Variants in THSD7A observed in about 807,000 individuals in gnomAD.
THSD7A encodes thrombospondin type-1 domain-containing protein 7A.
A neutral mutation model predicts 231.3 loss-of-function variants in THSD7A; 96 were observed. The observed-to-expected ratio is 0.41, with a 90% CI of 0.35 to 0.49. The LOEUF (loss-of-function observed/expected upper bound fraction) is 0.49, where lower values mean the gene tolerates loss of function less well. Among genes scored for constraint, THSD7A ranks in the 20% least tolerant of loss-of-function variants. The pLI, the probability that THSD7A is intolerant of heterozygous loss-of-function variation, is 0.05. For missense variants in THSD7A, 2,290 were observed against 2,070.2 expected (o/e 1.11, Z -2.06); for synonymous variants, 940 against 743.3 (o/e 1.26, Z -4.30).
chr7:11,594,195 A>C (rs2128342212), intron 2 of THSD7A, among the ~76,000 whole-genome samples: 1 of 152,262 alleles, frequency 6.6e-6, no homozygotes, highest in African/African-American at 2.4e-5. Context: ...TCAGTTGTGG[A>C]ACTCATACTG....
chr7:11,618,213 G>T (rs1430474123), intron 2 of THSD7A, among the ~76,000 whole-genome samples: 1 of 152,128 alleles, frequency 6.6e-6, no homozygotes, highest in Non-Finnish European at 1.5e-5. Context: ...AATTTAAGAA[G>T]AATGGATTAG....
intron 6 of THSD7A, among the ~76,000 whole-genome samples, chr7:11,535,210 C>G (rs1788864155): frequency 6.6e-6 from 1 of 152,158 alleles, no homozygotes; most frequent in African/African-American, 2.4e-5. Context: ...GAAAATCCTA[C>G]TCTTTGCTAC....
chr7:11,747,955 C>T (rs915073883), intron 1 of THSD7A, among the ~76,000 whole-genome samples: 1 of 151,892 alleles, frequency 6.6e-6, no homozygotes, highest in Non-Finnish European at 1.5e-5. Context: ...AATGTGTATG[C>T]AGGTTGCTGA....
intron 19 of THSD7A, among the ~76,000 whole-genome samples, chr7:11,407,788 A>G (rs1583684469): frequency 6.6e-6 from 1 of 152,194 alleles, no homozygotes; most frequent in African/African-American, 2.4e-5. Flanking sequence ...AGTATCATCA[A>G]TATTTTGATC....
At chr7:11,442,770 T>C (rs746994870) in intron 13 of THSD7A, among the ~76,000 whole-genome samples, 4 of 152,020 alleles carry the variant, frequency 2.6e-5, no homozygotes, top group Non-Finnish European at 5.9e-5. Flanking sequence ...CAATTGGACA[T>C]TCCGTCAGAT....
chr7:11,620,030 G>T (rs1781252589), intron 2 of THSD7A, among the ~76,000 whole-genome samples: 1 of 152,066 alleles, frequency 6.6e-6, no homozygotes, highest in Admixed American at 6.6e-5. Context: ...AGAATAAGTT[G>T]GCAATGATAA....
chr7:11,578,164 G>C (rs10233233), intron 4 of THSD7A, among the ~76,000 whole-genome samples: 1 of 152,086 alleles, frequency 6.6e-6, no homozygotes, highest in Non-Finnish European at 1.5e-5. Context: ...GATTTGGAGC[G>C]AAACTGTTAT....
intron 1 of THSD7A, among the ~76,000 whole-genome samples, chr7:11,654,968 G>A (rs148410719): frequency 4.6e-5 from 7 of 151,974 alleles, no homozygotes; most frequent in Admixed American, 2.6e-4. Flanking sequence ...ATTTAAACCT[G>A]AAGGATGTCT....
At chr7:11,478,907 G>A (rs572657000) in intron 7 of THSD7A, among the ~76,000 whole-genome samples, 53 of 152,204 alleles carry the variant, frequency 3.5e-4, no homozygotes, top group African/African-American at 1.2e-3. Context: ...TCGCCTTGAA[G>A]TTAGGCATAG....
At chr7:11,544,023 G>A (rs752914375) in intron 4 of THSD7A, among the ~76,000 whole-genome samples, 21 of 151,950 alleles carry the variant, frequency 1.4e-4, no homozygotes, top group Non-Finnish European at 2.5e-4. Context: ...ATCTCCTGAT[G>A]CCATATTTGC....
chr7:11,717,540 C>T, intron 1 of THSD7A, among the ~76,000 whole-genome samples: 1 of 151,498 alleles, frequency 6.6e-6, no homozygotes, highest in Non-Finnish European at 1.5e-5. Context: ...TTTTCTTTTT[C>T]TTTATTGGAA....
chr7:11,669,348 A>G (rs1783281363), intron 1 of THSD7A, among the ~76,000 whole-genome samples: 3 of 152,008 alleles, frequency 2.0e-5, no homozygotes. Context: ...TTAATTTAAT[A>G]TATATATTTT....
At chr7:11,591,962 T>G (rs1780182535) in intron 3 of THSD7A, among the ~76,000 whole-genome samples, 1 of 152,198 alleles carries the variant, frequency 6.6e-6, no homozygotes, top group Non-Finnish European at 1.5e-5. Flanking sequence ...AAAAAGGGCA[T>G]GGAGAAAGAT....
intron 6 of THSD7A, among the ~76,000 whole-genome samples, chr7:11,532,841 A>C (rs370085821): frequency 2.0e-4 from 30 of 152,344 alleles, no homozygotes; most frequent in African/African-American, 7.2e-4. Context: ...AGCTGTTATA[A>C]AATGAAAAAA....
rs537199924 is a variant in THSD7A at position 11,372,916 on chromosome 7, T to G, written c.*2878A>C. ...ATAATAACCTTCCCTTTGTCCAAAA[T>G]AGCCAGATTGCTACGTTCTCCTCTT... On this transcript the variant is annotated 3_prime_UTR_variant, in exon 28 of 28. Coordinates refer to ENST00000423059, the MANE Select transcript of THSD7A (RefSeq NM_015204.3). 6.6e-6 allele frequency: 1 copy of G among 152,072 alleles called. No individual in the cohort carries two copies. Among genetic ancestry groups the G allele is most frequent in the East Asian group, 1.9e-4 (1 of 5,188 alleles). 9.4% of individuals were successfully genotyped at this position (152,072 alleles called of 1,614,324 possible). A position where few individuals can be genotyped will look rare whatever the true frequency, so the allele number is the denominator to read the frequency against.
intron 2 of THSD7A, among the ~76,000 whole-genome samples, chr7:11,615,424 C>T (rs1223273801): frequency 6.6e-6 from 1 of 152,154 alleles, no homozygotes; most frequent in Non-Finnish European, 1.5e-5. Context: ...GGCATCCACA[C>T]TTGTTTCCTT....
intron 1 of THSD7A, among the ~76,000 whole-genome samples, chr7:11,725,042 ACT>A (rs1385747128): frequency 2.0e-5 from 3 of 151,846 alleles, no homozygotes; most frequent in Non-Finnish European, 4.4e-5. Flanking sequence ...GATCCACGTA[ACT>A]CTTCATTTGT....
At chr7:11,822,576 T>C (rs1008363123) in intron 1 of THSD7A, among the ~76,000 whole-genome samples, 3 of 152,102 alleles carry the variant, frequency 2.0e-5, no homozygotes, top group Non-Finnish European at 4.4e-5. Context: ...GCAGTTGGAT[T>C]GATGGATTGA....
chr7:11,528,586 C>G (rs1189140785), intron 6 of THSD7A, among the ~76,000 whole-genome samples: 1 of 152,140 alleles, frequency 6.6e-6, no homozygotes, highest in Non-Finnish European at 1.5e-5. Flanking sequence ...AATTTTATAT[C>G]AATTCAGCAA....
Sources: gnomAD v4.1 joint callset for allele counts (sites outside exome capture counted in the v4.1 genomes callset) on GRCh38, gnomAD v4.1.1 for gene constraint, MANE v1.5 for transcripts, NCBI Gene and HGNC (gene_info 2026-07-23, HGNC 2026-07-21) for gene names.